NBEA: variants seen among roughly 807,000 people sequenced by gnomAD.
NBEA encodes the protein lysosomal-trafficking regulator 2.
In NBEA, 44 loss-of-function variants were observed where a neutral mutation model predicts 343.4. The observed-to-expected ratio is 0.13, with a 90% CI of 0.10 to 0.16. The LOEUF (loss-of-function observed/expected upper bound fraction) is 0.16, where lower values mean the gene tolerates loss of function less well. NBEA is among the 10% of genes least tolerant of loss of function. The pLI is 1.00. For synonymous variants in NBEA, 1,175 were observed against 1,238.7 expected, an observed-to-expected ratio of 0.95 and a Z score of 1.08; for missense variants, 2,555 against 3,631.3, an observed-to-expected ratio of 0.70 and a Z score of 7.62.
Position 35,645,934 on chromosome 13 carries a change from A to G in NBEA, c.7680+3A>G, listed in dbSNP as rs529456888. The G allele has an allele frequency of 9.7e-6, 15 of 1,540,156 alleles. No homozygotes were observed. The African/African-American group carries it at 1.9e-4, about 20-fold the overall frequency. The stretch of plus-strand genomic sequence containing the variant: ...TTCTTACAAAGGACTTTATTAAGGT[A>G]TATGTTCTGTATTTAGTGTGGAAAG... On this transcript the variant is annotated splice_donor_region_variant and intron_variant, in intron 50 of 58. Transcript: ENST00000379939.
chr13:35,401,197 A>G (rs577110486), intron 38 of NBEA, among the ~76,000 whole-genome samples: 2 of 152,132 alleles, frequency 1.3e-5, no homozygotes, highest in Non-Finnish European at 2.9e-5. Flanking sequence ...AGTTCACTCA[A>G]AAACAGACGC....
intron 38 of NBEA, among the ~76,000 whole-genome samples, chr13:35,372,364 C>T (rs1002159528): frequency 5.9e-5 from 9 of 152,090 alleles, no homozygotes; most frequent in Admixed American, 6.5e-5. Flanking sequence ...TCCTTAGGCC[C>T]CCATGGGAAG....
chr13:35,340,479 T>C (rs1457630698), intron 36 of NBEA, among the ~76,000 whole-genome samples: 1 of 152,060 alleles, frequency 6.6e-6, no homozygotes, highest in Non-Finnish European at 1.5e-5. Context: ...TGGGGAATTA[T>C]TAATATTTCT....
intron 1 of NBEA, among the ~76,000 whole-genome samples, chr13:35,019,550 C>T (rs9542993): frequency 0.3 from 46,238 of 151,808 alleles, 7,933 homozygotes; most frequent in Middle Eastern, 0.52. Context: ...CCACCTGCCT[C>T]GATTAAAATT....
chr13:35,036,488 A>G (rs1397202086), intron 1 of NBEA, among the ~76,000 whole-genome samples: 1 of 152,096 alleles, frequency 6.6e-6, no homozygotes, highest in African/African-American at 2.4e-5. Context: ...TTATATTACC[A>G]GTAAGGTTTG....
intron 28 of NBEA, among the ~76,000 whole-genome samples, chr13:35,180,354 T>C (rs1370311414): frequency 6.6e-6 from 1 of 151,792 alleles, no homozygotes; most frequent in Non-Finnish European, 1.5e-5. Context: ...GGTCATATAA[T>C]TTAGACTTGA....
chr13:35,218,880 T>G (rs1338527695), intron 33 of NBEA, among the ~76,000 whole-genome samples: 1 of 152,050 alleles, frequency 6.6e-6, no homozygotes, highest in African/African-American at 2.4e-5. Context: ...ATTTATCTCT[T>G]GAAAGCTTCT....
chr13:35,486,082 T>C (rs1000210627), intron 41 of NBEA, among the ~76,000 whole-genome samples: 2 of 152,090 alleles, frequency 1.3e-5, no homozygotes, highest in African/African-American at 2.4e-5. Context: ...CCTGAATGAA[T>C]GGTAAAGCCT....
chr13:34,993,922 G>A (rs543541514), intron 1 of NBEA, among the ~76,000 whole-genome samples: 3 of 152,160 alleles, frequency 2.0e-5, no homozygotes, highest in African/African-American at 7.2e-5. Context: ...AAGGGGCTGG[G>A]CATGGTGGCT....
intron 34 of NBEA, among the ~76,000 whole-genome samples, chr13:35,271,735 C>G (rs1215879599): frequency 1.3e-5 from 2 of 151,946 alleles, no homozygotes; most frequent in African/African-American, 4.8e-5. Flanking sequence ...CTGAATAGAT[C>G]AAGTTGAAGA....
At chr13:35,149,047 G>T (rs1448691127) in intron 18 of NBEA, among the ~76,000 whole-genome samples, 1 of 152,134 alleles carries the variant, frequency 6.6e-6, no homozygotes, top group Non-Finnish European at 1.5e-5. Flanking sequence ...TCTACTGACT[G>T]CTCTGAATTG....
chr13:35,328,857 A>G (rs978741592), intron 36 of NBEA, among the ~76,000 whole-genome samples: 7 of 151,900 alleles, frequency 4.6e-5, no homozygotes, highest in African/African-American at 1.7e-4. Context: ...GCCAAAACAA[A>G]TTGAAAAGGA....
intron 34 of NBEA, among the ~76,000 whole-genome samples, chr13:35,277,015 G>T (rs1432367921): frequency 6.6e-6 from 1 of 152,150 alleles, no homozygotes; most frequent in Non-Finnish European, 1.5e-5. Context: ...CATGCATGCA[G>T]AACAATAACA....
At chr13:35,524,403 T>G (rs942631992) in intron 41 of NBEA, among the ~76,000 whole-genome samples, 1 of 152,252 alleles carries the variant, frequency 6.6e-6, no homozygotes, top group Admixed American at 6.5e-5. Flanking sequence ...CTTTCCCATC[T>G]GTTTTTCACT....
Position 35,164,338 on chromosome 13 carries a change from C to G in NBEA, c.4080-18C>G. 1 of 1,557,100 alleles carries G rather than the reference C, an allele frequency of 6.4e-7. No individual in the cohort carries two copies. Among genetic ancestry groups the G allele is most frequent in the Non-Finnish European group, 8.7e-7 (1 of 1,149,646 alleles). ...TAAGTAAGCCAAAACATACTCATTTCTGTTTTCTGTATTTTAGCCATTCTA... is the reference window on the plus strand; with the variant it reads ...TAAGTAAGCCAAAACATACTCATTTGTGTTTTCTGTATTTTAGCCATTCTA... On this transcript the variant is annotated intron_variant, in intron 23 of 58. Coordinates refer to ENST00000379939, the MANE Select transcript of NBEA (RefSeq NM_001385012.1).
intron 2 of NBEA, among the ~76,000 whole-genome samples, chr13:35,043,695 TATTTA>T (rs1436463454): frequency 5.9e-5 from 9 of 151,928 alleles, no homozygotes; most frequent in Non-Finnish European, 1.2e-4. Flanking sequence ...TAAATAAAAT[TATTTA>T]ATTATTAATT....
chr13:35,101,597 A>T (rs1036967610), intron 11 of NBEA, among the ~76,000 whole-genome samples: 1 of 151,604 alleles, frequency 6.6e-6, no homozygotes, highest in African/African-American at 2.4e-5. Context: ...AATATTCTGG[A>T]TACTAGTCCC....
intron 1 of NBEA, among the ~76,000 whole-genome samples, chr13:34,998,834 C>G (rs1233111095): frequency 6.6e-6 from 1 of 152,004 alleles, no homozygotes; most frequent in Non-Finnish European, 1.5e-5. Context: ...CCTCAGCTTA[C>G]GAAGATGACG....
At chr13:35,007,882 A>T (rs377519101) in intron 1 of NBEA, among the ~76,000 whole-genome samples, 3 of 152,262 alleles carry the variant, frequency 2.0e-5, no homozygotes, top group Non-Finnish European at 4.4e-5. Flanking sequence ...CTGCTTCATT[A>T]TCTAGGACCC....
Sources: gnomAD v4.1 joint callset for allele counts (sites outside exome capture counted in the v4.1 genomes callset) on GRCh38, gnomAD v4.1.1 for gene constraint, MANE v1.5 for transcripts, NCBI Gene and HGNC (gene_info 2026-07-23, HGNC 2026-07-21) for gene names.